IDE: variants seen among roughly 807,000 people sequenced by gnomAD.
The protein encoded by IDE is insulin-degrading enzyme.
In IDE, 58 loss-of-function variants were observed where a neutral mutation model predicts 133.2. The observed-to-expected ratio is 0.44, with a 90% CI of 0.35 to 0.54. The LOEUF (loss-of-function observed/expected upper bound fraction) is 0.54. Ranked by LOEUF, IDE falls within the 20% of genes least tolerant of loss-of-function variation. The pLI is 0.00. For synonymous variants in IDE, 396 were observed against 421.3 expected, an observed-to-expected ratio of 0.94 and a Z score of 0.73; for missense variants, 981 against 1,234.0, an observed-to-expected ratio of 0.79 and a Z score of 3.07.
intron 11 of IDE, among the ~76,000 whole-genome samples, chr10:92,491,121 C>G (rs891742124): frequency 6.6e-6 from 1 of 151,872 alleles, no homozygotes; most frequent in Middle Eastern, 3.2e-3. Context: ...AGCTATAGTT[C>G]CAGCTACTTG....
intron 11 of IDE, among the ~76,000 whole-genome samples, chr10:92,499,503 G>A (rs1344963405): frequency 1.3e-5 from 2 of 152,096 alleles, no homozygotes; most frequent in African/African-American, 4.8e-5. Context: ...TATGATCATG[G>A]CTCACTGCAA....
rs142930268 is a variant in IDE, at chr10:92,467,695, A to G, written c.2320+1184T>C. Among the ~76,000 whole-genome samples, 116 of 152,354 alleles carry G rather than the reference A, an allele frequency of 7.6e-4. 1 individual carries two copies. The highest frequency in any genetic ancestry group is 1.4e-3 in the Admixed American group (21 of 15,298). ...TCAACTGTTATGGCTCTTGCATAGA[A>G]TATCCTGAGTCTTTCTCTAATTGTA... On this transcript the variant is annotated intron_variant, in intron 19 of 24. Coordinates refer to ENST00000265986, the MANE Select transcript of IDE (RefSeq NM_004969.4).
intron 13 of IDE, among the ~76,000 whole-genome samples, chr10:92,485,326 G>A (rs1846923890): frequency 6.6e-6 from 1 of 151,808 alleles, no homozygotes; most frequent in African/African-American, 2.4e-5. Flanking sequence ...TCACCATTTT[G>A]GTCAGGCTGG....
intron 5 of IDE, among the ~76,000 whole-genome samples, chr10:92,510,791 G>GAT (rs1243167355): frequency 1.1e-5 from 1 of 94,702 alleles, no homozygotes; most frequent in Non-Finnish European, 2.2e-5. Flanking sequence ...CATCTCACAT[G>GAT]ATATATAGCA....
chr10:92,470,363 G>A lies in IDE; in HGVS notation c.2117-18C>T. 1 of 1,520,410 alleles carries A rather than the reference G, an allele frequency of 6.6e-7. No individual in the cohort carries two copies. Among genetic ancestry groups the A allele is most frequent in the Non-Finnish European group, 9.0e-7 (1 of 1,114,306 alleles). The allele number at this position is 1,520,410 out of a possible 1,614,324, so 94.2% of individuals were successfully genotyped here. ...GGTTACATCTGCAAAGGTGTAAGAA[G>A]ACATAGTGAGCGCTACCTATGAGGG... On this transcript the variant is annotated intron_variant, in intron 17 of 24. Coordinates refer to ENST00000265986, the MANE Select transcript of IDE (RefSeq NM_004969.4).
intron 1 of IDE, among the ~76,000 whole-genome samples, chr10:92,559,892 C>T (rs1843196107): frequency 6.6e-6 from 1 of 151,996 alleles, no homozygotes; most frequent in African/African-American, 2.4e-5. Context: ...CACGTGCCTC[C>T]ACACTCGGCT....
chr10:92,495,412 G>A lies in IDE; in HGVS notation c.1431-4817C>T, dbSNP rs371706685. The stretch of plus-strand genomic sequence containing the variant: ...ATTTTTGTATTTTTAGTAGAGACAG[G>A]GTTTCACTATGTTGGCCAGGCTGGT... On this transcript the variant is annotated intron_variant, in intron 11 of 24. Transcript: ENST00000265986. Among the ~76,000 whole-genome samples the A allele has an allele frequency of 8.5e-5, 13 of 152,080 alleles. No individual in the cohort carries two copies. The East Asian group carries it at 1.7e-3, about 20-fold the overall frequency.
chr10:92,519,058 TTAACA>T, intron 4 of IDE, among the ~76,000 whole-genome samples: 1 of 152,010 alleles, frequency 6.6e-6, no homozygotes, highest in Non-Finnish European at 1.5e-5. Flanking sequence ...ACTGAAGTAT[TTAACA>T]TAATACTTAA....
intron 1 of IDE, among the ~76,000 whole-genome samples, chr10:92,567,285 AAG>A (rs1422660138): frequency 4.6e-5 from 7 of 152,134 alleles, no homozygotes; most frequent in African/African-American, 1.7e-4. Flanking sequence ...TCTCCCCGAC[AAG>A]AGTTTTCCCT....
chr10:92,468,921 G>T lies in IDE; in HGVS notation c.2278C>A (p.Pro760Thr), dbSNP rs1845825404. Residue 760 changes from proline to threonine, a missense_variant, in exon 19 of 25, where the codon CCA becomes ACA. Pro to Thr is a conservative substitution (Grantham distance 38). Transcript: ENST00000265986. Reference sequence around the variant, plus strand: ...TCTCTATACCGAACCAGCTGACTTGGAAGGAGAGGTTTGGTATGAGCATGT... The same window carrying T: ...TCTCTATACCGAACCAGCTGACTTGTAAGGAGAGGTTTGGTATGAGCATGT... ...IEHAHTKPLL[P>T]SQLVRYREVQ... The T allele has an allele frequency of 6.2e-7, 1 of 1,612,902 alleles. No homozygotes were observed. Among genetic ancestry groups the T allele is most frequent in the African/African-American group, 1.3e-5 (1 of 75,010 alleles).
chr10:92,478,340 C>T (rs984508412), intron 15 of IDE, among the ~76,000 whole-genome samples: 11 of 152,094 alleles, frequency 7.2e-5, no homozygotes, highest in African/African-American at 1.9e-4. Context: ...CTTCTACTTA[C>T]GGATGTTAAT....
intron 4 of IDE, among the ~76,000 whole-genome samples, chr10:92,520,463 A>G (rs896548541): frequency 2.0e-5 from 3 of 152,196 alleles, no homozygotes; most frequent in Non-Finnish European, 4.4e-5. Context: ...TTTCTCCAAT[A>G]GTATGTTCTC....
Position 92,544,232 on chromosome 10 carries a change from CAA to C in IDE, c.99-6684_99-6683del, listed in dbSNP as rs377421446. On this transcript the variant is annotated intron_variant, in intron 1 of 24. Coordinates refer to ENST00000265986, the MANE Select transcript of IDE (RefSeq NM_004969.4). The stretch of plus-strand genomic sequence containing the variant: ...TGGGTGACAGAGCGAGACACCATCT[CAA>C]AAAAAAAAAAAAAAAGATAGAATAC... Among the ~76,000 whole-genome samples, 145 of 85,468 alleles carry C rather than the reference CAA, an allele frequency of 1.7e-3. 1 individual carries two copies. Among genetic ancestry groups the C allele is most frequent in the African/African-American group, 4.8e-3 (116 of 24,266 alleles). 56.1% of individuals were successfully genotyped at this position (85,468 alleles called of 152,430 possible).
intron 1 of IDE, among the ~76,000 whole-genome samples, chr10:92,537,787 GGATAGGGATTTGA>G (rs1842091375): frequency 6.6e-6 from 1 of 152,174 alleles, no homozygotes; most frequent in Non-Finnish European, 1.5e-5. Flanking sequence ...AAGAGCACAT[GGATAGGGATTTGA>G]GATAGGGTGG....
chr10:92,509,807 A>G (rs954349823), intron 6 of IDE, among the ~76,000 whole-genome samples: 2 of 151,434 alleles, frequency 1.3e-5, no homozygotes, highest in Non-Finnish European at 2.9e-5. Flanking sequence ...TGTAGTCCCA[A>G]CTACTCAGAA....
At chr10:92,537,326 T>C in intron 2 of IDE, 40 bp downstream of exon 2, 1 of 1,506,452 alleles carries the variant, frequency 6.6e-7, no homozygotes, top group Non-Finnish European at 9.0e-7. Flanking sequence ...ATTAGGTCAA[T>C]GAAACAAAAC....
intron 2 of IDE, among the ~76,000 whole-genome samples, chr10:92,535,893 G>C (rs1049864126): frequency 2.0e-5 from 3 of 151,984 alleles, no homozygotes; most frequent in African/African-American, 7.2e-5. Flanking sequence ...AAAATTAGCT[G>C]GGCGTGGTGG....
At chr10:92,563,240 A>G (rs1843363228) in intron 1 of IDE, among the ~76,000 whole-genome samples, 1 of 148,632 alleles carries the variant, frequency 6.7e-6, no homozygotes, top group Non-Finnish European at 1.5e-5. Flanking sequence ...AACAAGAGCA[A>G]AACTCCACCT....
At chr10:92,514,357 C>A (rs1848789786) in intron 5 of IDE, among the ~76,000 whole-genome samples, 1 of 151,924 alleles carries the variant, frequency 6.6e-6, no homozygotes, top group African/African-American at 2.4e-5. Context: ...CAAATGGTTT[C>A]CCAAGTTTAT....
Sources: allele counts gnomAD v4.1 joint callset (sites outside exome capture counted in the v4.1 genomes callset), GRCh38; gene constraint gnomAD v4.1.1; transcripts MANE v1.5; gene names NCBI Gene and HGNC (gene_info 2026-07-23, HGNC 2026-07-21).